The following ABAT variants were observed in gnomAD, a reference collection of about 807,000 sequenced individuals.
The protein encoded by ABAT is 4-aminobutyrate aminotransferase, mitochondrial.
In ABAT, 45 loss-of-function variants were observed where a neutral mutation model predicts 64.6. The ratio of observed to expected loss-of-function variants is 0.70; its 90% CI spans 0.55 to 0.89. The LOEUF (loss-of-function observed/expected upper bound fraction) is 0.89, where lower values mean the gene tolerates loss of function less well. ABAT is among the 40% of genes least tolerant of loss of function. The pLI, the probability that ABAT is intolerant of heterozygous loss-of-function variation, is 0.00. For missense variants in ABAT, 633 were observed against 658.4 expected (o/e 0.96, Z 0.42); for synonymous variants, 297 against 250.5 (o/e 1.19, Z -1.75).
At chr16:8,780,833 C>T (rs12325344) in intron 15 of ABAT, 4,725 of 293,008 alleles carry the variant, frequency 0.016, 243 homozygotes, top group African/African-American at 0.098. Context: ...TGTGAAGTCA[C>T]CCTTTAAAAT....
At chr16:8,713,704 C>A in intron 1 of ABAT, 1 of 349,218 alleles carries the variant, frequency 2.9e-6, no homozygotes, top group South Asian at 2.1e-5. Context: ...TTGGGGACTG[C>A]CTGGAAATCC....
intron 1 of ABAT, among the ~76,000 whole-genome samples, chr16:8,697,427 G>C (rs954613418): frequency 1.3e-5 from 2 of 152,152 alleles, no homozygotes; most frequent in African/African-American, 4.8e-5. Context: ...GACCATTTAG[G>C]TGGCTGCCAC....
intron 1 of ABAT, among the ~76,000 whole-genome samples, chr16:8,718,641 C>A (rs1031148609): frequency 6.6e-6 from 1 of 152,182 alleles, no homozygotes; most frequent in Admixed American, 6.5e-5. Context: ...GTCCCCTGAG[C>A]CAGCCCCTGC....
At chr16:8,706,740 G>A (rs1014690345) in intron 1 of ABAT, among the ~76,000 whole-genome samples, 2 of 152,128 alleles carry the variant, frequency 1.3e-5, no homozygotes, top group African/African-American at 2.4e-5. Context: ...GCAAATAAAT[G>A]TGTAAGTACT....
At chr16:8,737,267 C>G (rs1175112603) in intron 2 of ABAT, 1 of 151,892 alleles carries the variant, frequency 6.6e-6, no homozygotes, top group African/African-American at 2.4e-5. Context: ...CACCTGAGGT[C>G]AGGGGTCGAG....
At chr16:8,735,853 T>C (rs1183813969) in intron 2 of ABAT, 44 bp downstream of exon 2, 4 of 1,530,726 alleles carry the variant, frequency 2.6e-6, no homozygotes, top group Non-Finnish European at 3.6e-6. Context: ...TAATGGAAGA[T>C]ACCATCCAGA....
At chr16:8,724,906 A>AAT (rs1298409086) in intron 1 of ABAT, among the ~76,000 whole-genome samples, 1 of 66,210 alleles carries the variant, frequency 1.5e-5, no homozygotes, top group Non-Finnish European at 3.0e-5. Context: ...AGCCAACTCC[A>AAT]ATATCTCTTT....
chr16:8,727,406 C>G (rs2058590717), intron 1 of ABAT, among the ~76,000 whole-genome samples: 1 of 152,226 alleles, frequency 6.6e-6, no homozygotes, highest in African/African-American at 2.4e-5. Flanking sequence ...CCTCCGAGCA[C>G]TTGCCTTATC....
intron 1 of ABAT, among the ~76,000 whole-genome samples, chr16:8,706,830 A>G (rs2057956136): frequency 6.6e-6 from 1 of 152,266 alleles, no homozygotes; most frequent in African/African-American, 2.4e-5. Context: ...AAGAAGGTTT[A>G]TAAATGCTTC....
chr16:8,747,815 C>G (rs575946274), intron 3 of ABAT, among the ~76,000 whole-genome samples: 1 of 152,188 alleles, frequency 6.6e-6, no homozygotes, highest in Admixed American at 6.5e-5. Context: ...TTTATGGACA[C>G]TAGATAAACA....
chr16:8,698,985 C>A (rs2057762290), intron 1 of ABAT, among the ~76,000 whole-genome samples: 1 of 152,076 alleles, frequency 6.6e-6, no homozygotes, highest in South Asian at 2.1e-4. Flanking sequence ...AGTAGTGCTG[C>A]AACGAACAGC....
intron 1 of ABAT, among the ~76,000 whole-genome samples, chr16:8,685,826 A>G (rs866856192): frequency 1.3e-5 from 2 of 152,192 alleles, no homozygotes; most frequent in African/African-American, 4.8e-5. Flanking sequence ...GTGACCCATG[A>G]TCTTGAATTT....
chr16:8,725,370 C>A (rs189420338), intron 1 of ABAT, among the ~76,000 whole-genome samples: 1 of 152,192 alleles, frequency 6.6e-6, no homozygotes, highest in Non-Finnish European at 1.5e-5. Flanking sequence ...AAGCAGTCAT[C>A]TCTCATTCCT....
intron 1 of ABAT, among the ~76,000 whole-genome samples, chr16:8,722,298 G>GT (rs2142191602): frequency 6.6e-6 from 1 of 152,174 alleles, no homozygotes; most frequent in East Asian, 1.9e-4. Flanking sequence ...TAGCAATTAG[G>GT]TTTTTTTATT....
chr16:8,732,895 A>G (rs1323496474), intron 1 of ABAT, among the ~76,000 whole-genome samples: 1 of 146,202 alleles, frequency 6.8e-6, no homozygotes, highest in Non-Finnish European at 1.5e-5. Context: ...GGCGCCCCTC[A>G]CCTCCGGACG....
intron 9 of ABAT, among the ~76,000 whole-genome samples, chr16:8,766,527 T>G (rs1484298277): frequency 6.6e-6 from 1 of 151,960 alleles, no homozygotes; most frequent in Admixed American, 6.6e-5. Context: ...TAGTGGCACA[T>G]GCATGTAATC....
chr16:8,705,781 C>T (rs2057926963), intron 1 of ABAT, among the ~76,000 whole-genome samples: 1 of 148,688 alleles, frequency 6.7e-6, no homozygotes, highest in South Asian at 2.2e-4. Flanking sequence ...ACACCTAATG[C>T]ACATCCTCAG....
intron 1 of ABAT, among the ~76,000 whole-genome samples, chr16:8,682,184 G>GACACACAC (rs1210693818): frequency 2.6e-4 from 23 of 87,588 alleles, no homozygotes; most frequent in African/African-American, 7.6e-4. Flanking sequence ...TGCCTAACAG[G>GACACACAC]ATACACACAC....
At chr16:8,779,335 A>C (rs2060362932) in intron 14 of ABAT, 144 bp from the exon 15 acceptor site, 1 of 701,818 alleles carries the variant, frequency 1.4e-6, no homozygotes, top group Admixed American at 2.1e-5. Context: ...ATGTCCCCAG[A>C]GCTCTTAACC....
Sources: gnomAD v4.1 joint callset for allele counts (sites outside exome capture counted in the v4.1 genomes callset) on GRCh38, gnomAD v4.1.1 for gene constraint, MANE v1.5 for transcripts, NCBI Gene and HGNC (gene_info 2026-07-23, HGNC 2026-07-21) for gene names.